Variants in TNPO3 observed in about 807,000 individuals in gnomAD.
TNPO3 encodes transportin 3, also known as transportin-3.
TNPO3 carries 65 observed loss-of-function variants against 122.8 expected under a neutral mutation model. The ratio of observed to expected loss-of-function variants is 0.53; its 90% CI spans 0.43 to 0.65. The LOEUF is 0.65. Among genes scored for constraint, TNPO3 ranks in the 30% least tolerant of loss-of-function variants. The probability of loss-of-function intolerance (pLI) is 0.00; values close to 1 mark genes in which losing one functional copy is unlikely to be tolerated. For synonymous variants in TNPO3, 372 were observed against 411.2 expected (o/e 0.90, Z 1.15); for missense variants, 850 against 1,136.7 (o/e 0.75, Z 3.63).
At chr7:129,038,266 T>C (rs1054929961) in intron 1 of TNPO3, among the ~76,000 whole-genome samples, 2 of 152,044 alleles carry the variant, frequency 1.3e-5, no homozygotes, top group African/African-American at 2.4e-5. Context: ...AATGAAACCA[T>C]ATTTCTAAAA....
At chr7:128,956,630 A>G (rs1026949778) in intron 22 of TNPO3, among the ~76,000 whole-genome samples, 1 of 152,188 alleles carries the variant, frequency 6.6e-6, no homozygotes, top group Non-Finnish European at 1.5e-5. Flanking sequence ...GCATTCTGCA[A>G]ATATTCCAAA....
At chr7:129,001,267 G>T in intron 5 of TNPO3, 33 bp from the exon 6 acceptor site, 1 of 1,580,400 alleles carries the variant, frequency 6.3e-7, no homozygotes, top group Non-Finnish European at 8.7e-7. Flanking sequence ...GAAGCAAGAA[G>T]TATGATCACT....
intron 4 of TNPO3, among the ~76,000 whole-genome samples, chr7:129,006,106 T>A (rs1374618006): frequency 6.6e-6 from 1 of 152,164 alleles, no homozygotes; most frequent in Non-Finnish European, 1.5e-5. Flanking sequence ...TATAGCAGCA[T>A]GAGACTGGAC....
chr7:129,028,600 C>T (rs1164973211), intron 1 of TNPO3, among the ~76,000 whole-genome samples: 5 of 152,170 alleles, frequency 3.3e-5, no homozygotes, highest in African/African-American at 1.2e-4. Context: ...AGTCACTGGC[C>T]GCCCCTCTGC....
At chr7:129,027,117 G>T (rs1805282001) in intron 1 of TNPO3, among the ~76,000 whole-genome samples, 1 of 152,124 alleles carries the variant, frequency 6.6e-6, no homozygotes, top group Non-Finnish European at 1.5e-5. Context: ...AGAAAAGGTA[G>T]CAAAGCTTTT....
chr7:128,974,829 G>C (rs1446926871), intron 18 of TNPO3, 39 bp downstream of exon 18: 1 of 1,511,846 alleles, frequency 6.6e-7, no homozygotes, highest in Non-Finnish European at 9.2e-7. Flanking sequence ...GCAGTGATAG[G>C]ATGAGCAATT....
intron 9 of TNPO3, among the ~76,000 whole-genome samples, chr7:128,993,275 A>G (rs963804229): frequency 6.6e-6 from 1 of 152,194 alleles, no homozygotes; most frequent in Non-Finnish European, 1.5e-5. Context: ...AATGATGATG[A>G]TTGTAACCTT....
At position 128,955,248 on chromosome 7, in the gene TNPO3, C is replaced by G. The variant is rs1796787772; in HGVS notation, c.*169G>C. On this transcript the variant is annotated 3_prime_UTR_variant, in exon 23 of 23. Coordinates refer to ENST00000265388, the MANE Select transcript of TNPO3 (RefSeq NM_012470.4). ...AAACAGGAACTCCTCAGGATGGCCT[C>G]AGAAGGCTGGAGTCTCTCCCTGTCT... 1.1e-5 allele frequency: 5 copies of G among 450,834 alleles called. No homozygotes were observed. In the Admixed American group the frequency reaches 1.2e-4, roughly 11 times the overall value. The allele number at this position is 450,834 out of a possible 1,614,324, so 27.9% of individuals were successfully genotyped here.
chr7:129,043,691 T>C (rs1033562661), intron 1 of TNPO3, among the ~76,000 whole-genome samples: 5 of 152,214 alleles, frequency 3.3e-5, no homozygotes, highest in African/African-American at 1.2e-4. Flanking sequence ...TTGGTATTAA[T>C]CTCAAGAATG....
chr7:128,997,372 T>C lies in TNPO3; in HGVS notation c.1158+17A>G, dbSNP rs764995047. The stretch of plus-strand genomic sequence containing the variant: ...AGGAAGAAATTAAGATTTGAAGAGG[T>C]AGAGAAGGGAACTTACATGGTCTGG... On this transcript the variant is annotated intron_variant, in intron 8 of 22. Transcript: ENST00000265388. 5.1e-5 allele frequency: 83 copies of C among 1,612,868 alleles called. 1 individual carries two copies. In the Admixed American group the frequency reaches 1.3e-3, roughly 25 times the overall value.
Position 128,970,306 on chromosome 7 carries a change from C to A in TNPO3, c.2440G>T (p.Asp814Tyr), listed in dbSNP as rs1039035830. Residue 814 changes from aspartate to tyrosine, a missense_variant, in exon 20 of 23, where the codon GAC becomes TAC. Coordinates refer to ENST00000265388, the MANE Select transcript of TNPO3 (RefSeq NM_012470.4). ...HTGVANDHEE[D>Y]FELRKELIGQ... is the part of the protein sequence containing the mutation. ...ATCAGTTCTTTCCGTAATTCAAAGT[C>A]TTCTTCATGCTGTATGTAGGAAAGC... 71 of 1,595,800 alleles carry A rather than the reference C, an allele frequency of 4.4e-5. No homozygotes were observed. Among genetic ancestry groups the A allele is most frequent in the Non-Finnish European group, 5.9e-5 (69 of 1,169,902 alleles).
At chr7:128,967,846 C>T (rs1323430832) in intron 20 of TNPO3, among the ~76,000 whole-genome samples, 1 of 152,148 alleles carries the variant, frequency 6.6e-6, no homozygotes, top group African/African-American at 2.4e-5. Flanking sequence ...ACCTTCCAGC[C>T]TCAAGTGATC....
intron 4 of TNPO3, among the ~76,000 whole-genome samples, chr7:129,005,835 G>A (rs1336347509): frequency 1.2e-4 from 17 of 144,712 alleles, no homozygotes; most frequent in East Asian, 1.0e-3. Context: ...AGGCTGGAGT[G>A]CAGTGCCACA....
chr7:129,022,191 C>T (rs1804601182), intron 1 of TNPO3, among the ~76,000 whole-genome samples: 1 of 152,002 alleles, frequency 6.6e-6, no homozygotes, highest in Non-Finnish European at 1.5e-5. Context: ...TTGGGACCAG[C>T]CTGAGCAACA....
At chr7:129,012,236 C>T (rs1335030222) in intron 4 of TNPO3, among the ~76,000 whole-genome samples, 1 of 151,842 alleles carries the variant, frequency 6.6e-6, no homozygotes, top group Non-Finnish European at 1.5e-5. Flanking sequence ...AAACTCCTGA[C>T]CTCAAGTAAT....
At chr7:129,022,378 A>T (rs537783364) in intron 1 of TNPO3, among the ~76,000 whole-genome samples, 3 of 152,150 alleles carry the variant, frequency 2.0e-5, no homozygotes, top group African/African-American at 7.2e-5. Context: ...TTTGGTATCA[A>T]AGTTATCAAA....
chr7:128,987,487 T>A (rs1800287801), intron 11 of TNPO3, among the ~76,000 whole-genome samples: 2 of 152,354 alleles, frequency 1.3e-5, no homozygotes, highest in Admixed American at 6.5e-5. Flanking sequence ...AAGTTTATCA[T>A]AAAGTTGAAT....
At chr7:128,989,186 G>GT (rs1382536579) in intron 11 of TNPO3, among the ~76,000 whole-genome samples, 5 of 152,146 alleles carry the variant, frequency 3.3e-5, no homozygotes, top group African/African-American at 1.2e-4. Context: ...TTTTTAGCAT[G>GT]TGTTTCAGTC....
Position 128,959,946 on chromosome 7 carries a change from A to C in TNPO3, c.2712-2631T>G, listed in dbSNP as rs535695076. ...TGAGGCTGGAGGATCGCTTGAACCC[A>C]GGGGGTGGAGGTTGCAGTGAGCTGA... On this transcript the variant is annotated intron_variant, in intron 21 of 22. Transcript: ENST00000265388. 5.5e-4 allele frequency among the ~76,000 whole-genome samples: 84 copies of C among 152,164 alleles called. No homozygotes were observed. The Middle Eastern group carries it at 0.01, about 18-fold the overall frequency.
Sources: allele counts gnomAD v4.1 joint callset (sites outside exome capture counted in the v4.1 genomes callset), GRCh38; gene constraint gnomAD v4.1.1; transcripts MANE v1.5; gene names NCBI Gene and HGNC (gene_info 2026-07-23, HGNC 2026-07-21).